ADAM23: variants seen among roughly 807,000 people sequenced by gnomAD.
ADAM23 encodes ADAM metallopeptidase domain 23, also known as disintegrin and metalloproteinase domain-containing protein 23.
In ADAM23, 33 loss-of-function variants were observed where a neutral mutation model predicts 120.1. That is an observed-to-expected ratio of 0.27 (90% CI 0.21 to 0.37). ADAM23 has a LOEUF of 0.37. ADAM23 is among the 10% of genes least tolerant of loss of function. The pLI is 1.00. For synonymous variants in ADAM23, 367 were observed against 375.2 expected (o/e 0.98, Z 0.25); for missense variants, 862 against 1,058.2 (o/e 0.81, Z 2.57).
Position 206,443,794 on chromosome 2 carries a change from C to T in ADAM23, c.-73C>T. On this transcript the variant is annotated 5_prime_UTR_variant, in exon 1 of 26. Transcript: ENST00000264377. ...CGCGCCGAGCCGGCGTGACCGGCTC[C>T]GCCCGCGGCCGCCCCGCAGCTAGCC... 1.1e-6 allele frequency: 1 copy of T among 893,256 alleles called. No homozygotes were observed. The allele number at this position is 893,256 out of a possible 1,614,324, so 55.3% of individuals were successfully genotyped here.
intron 2 of ADAM23, among the ~76,000 whole-genome samples, chr2:206,455,374 G>A (rs937003402): frequency 6.6e-6 from 1 of 152,184 alleles, no homozygotes; most frequent in African/African-American, 2.4e-5. Flanking sequence ...GCCCAGGTCT[G>A]GCCCAAGAAA....
chr2:206,488,158 T>A (rs991476547), intron 3 of ADAM23, among the ~76,000 whole-genome samples: 2 of 152,246 alleles, frequency 1.3e-5, no homozygotes, highest in African/African-American at 2.4e-5. Context: ...CCAACCTTCT[T>A]GCTGACTGAC....
intron 23 of ADAM23, among the ~76,000 whole-genome samples, chr2:206,595,611 G>C (rs770996069): frequency 1.7e-4 from 26 of 152,160 alleles, no homozygotes; most frequent in Non-Finnish European, 3.5e-4. Context: ...ATCTCCAGCA[G>C]TGCTTTTGAG....
At chr2:206,601,084 G>GAGA (rs1393881323) in intron 24 of ADAM23, among the ~76,000 whole-genome samples, 2 of 152,122 alleles carry the variant, frequency 1.3e-5, no homozygotes, top group Non-Finnish European at 2.9e-5. Flanking sequence ...CTGTTACAGG[G>GAGA]AGACCCACAT....
At chr2:206,470,682 C>T (rs1374047146) in intron 2 of ADAM23, among the ~76,000 whole-genome samples, 1 of 152,108 alleles carries the variant, frequency 6.6e-6, no homozygotes, top group Non-Finnish European at 1.5e-5. Context: ...ATGGAGAAAT[C>T]CATTTTTGGC....
chr2:206,543,377 G>C (rs1382527590), intron 6 of ADAM23, 61 bp downstream of exon 6: 2 of 1,369,260 alleles, frequency 1.5e-6, no homozygotes, highest in Admixed American at 1.7e-5. Flanking sequence ...TTGTCTTTGA[G>C]AAGAAAAGAG....
intron 18 of ADAM23, among the ~76,000 whole-genome samples, chr2:206,586,620 A>G (rs1427399384): frequency 6.6e-6 from 1 of 151,874 alleles, no homozygotes; most frequent in Non-Finnish European, 1.5e-5. Flanking sequence ...TTCTTTTTGT[A>G]TTTGTTTTAA....
intron 2 of ADAM23, among the ~76,000 whole-genome samples, chr2:206,477,897 A>AAATATATATATATATATATATATATATAT (rs374524658): frequency 1.1e-5 from 1 of 93,600 alleles, no homozygotes. Context: ...AAAAAAAAAA[A>AAATATATATATATATATATATATATATAT]ATATATATAT....
intron 18 of ADAM23, among the ~76,000 whole-genome samples, chr2:206,577,339 G>A (rs1336875157): frequency 6.9e-6 from 1 of 144,322 alleles, no homozygotes; most frequent in Non-Finnish European, 1.5e-5. Context: ...GTATACATGT[G>A]CCATGCTGGT....
chr2:206,585,448 G>A (rs1191856137), intron 18 of ADAM23, among the ~76,000 whole-genome samples: 3 of 152,192 alleles, frequency 2.0e-5, no homozygotes, highest in East Asian at 1.9e-4. Flanking sequence ...ACATTTATGA[G>A]AGTCAGTTAT....
At chr2:206,476,818 T>C (rs907832860) in intron 2 of ADAM23, among the ~76,000 whole-genome samples, 4 of 152,178 alleles carry the variant, frequency 2.6e-5, no homozygotes, top group Admixed American at 1.3e-4. Context: ...AATTCAGCCT[T>C]ATGATATTTT....
intron 21 of ADAM23, among the ~76,000 whole-genome samples, chr2:206,590,841 A>G (rs1698412583): frequency 1.3e-5 from 2 of 152,212 alleles, no homozygotes; most frequent in Admixed American, 6.5e-5. Context: ...GGGATTGGAC[A>G]TCTTGAATTT....
At chr2:206,605,823 T>C in intron 24 of ADAM23, 1 of 700,974 alleles carries the variant, frequency 1.4e-6, no homozygotes, top group Non-Finnish European at 2.6e-6. Flanking sequence ...ATAGGGGCCG[T>C]GGCCGGCACC....
chr2:206,567,169 T>C, intron 14 of ADAM23, 54 bp from the exon 15 acceptor site: 1 of 1,379,490 alleles, frequency 7.2e-7, no homozygotes, highest in Non-Finnish European at 1.0e-6. Context: ...AATTTTCTTC[T>C]CTGATGATTG....
chr2:206,578,206 A>T (rs1698155846), intron 18 of ADAM23, among the ~76,000 whole-genome samples: 1 of 151,976 alleles, frequency 6.6e-6, no homozygotes, highest in African/African-American at 2.4e-5. Context: ...AAATCTATTT[A>T]TTTATTTTTC....
At position 206,489,515 on chromosome 2, in the gene ADAM23, T is replaced by C. The variant is rs1448937211; in HGVS notation, c.509+8207T>C. ...TCTCGGGGTTTATGATGCTGCTAAC[T>C]CGAAGGTTAAATGCTTTACTTCCCA... is the stretch of plus-strand genomic sequence containing the variant. On this transcript the variant is annotated intron_variant, in intron 3 of 25. Transcript: ENST00000264377. Among the ~76,000 whole-genome samples, 3 of 152,200 alleles carry C rather than the reference T, an allele frequency of 2.0e-5. No homozygotes were observed. The East Asian group carries it at 5.8e-4, about 29-fold the overall frequency.
chr2:206,614,645 T>G (rs536010025), intron 25 of ADAM23, among the ~76,000 whole-genome samples: 1 of 151,074 alleles, frequency 6.6e-6, no homozygotes, highest in South Asian at 2.1e-4. Flanking sequence ...AGAACAAAAC[T>G]CTGTCTCAAA....
intron 18 of ADAM23, among the ~76,000 whole-genome samples, chr2:206,578,131 G>A (rs1698153290): frequency 6.6e-6 from 1 of 151,936 alleles, no homozygotes; most frequent in South Asian, 2.1e-4. Context: ...TTTTCTAATA[G>A]CAATATTGCT....
At chr2:206,531,913 A>C (rs185195821) in intron 4 of ADAM23, among the ~76,000 whole-genome samples, 1 of 152,360 alleles carries the variant, frequency 6.6e-6, no homozygotes, top group African/African-American at 2.4e-5. Flanking sequence ...GTCCTTCATT[A>C]TAAATACTGC....
Sources: gnomAD v4.1 joint callset for allele counts (sites outside exome capture counted in the v4.1 genomes callset) on GRCh38, gnomAD v4.1.1 for gene constraint, MANE v1.5 for transcripts, NCBI Gene and HGNC (gene_info 2026-07-23, HGNC 2026-07-21) for gene names.